The following CTTNBP2 variants were observed in gnomAD, a reference collection of about 807,000 sequenced individuals.
CTTNBP2 encodes cortactin binding protein 2.
In CTTNBP2, 108 loss-of-function variants were observed where a neutral mutation model predicts 156.9. That is an observed-to-expected ratio of 0.69 (90% CI 0.59 to 0.81). The LOEUF is 0.81. Among genes scored for constraint, CTTNBP2 ranks in the 30% least tolerant of loss-of-function variants. The probability of loss-of-function intolerance (pLI) is 0.00; values close to 1 mark genes in which losing one functional copy is unlikely to be tolerated. For missense variants in CTTNBP2, 1,924 were observed against 2,035.4 expected, an observed-to-expected ratio of 0.95 and a Z score of 1.05; for synonymous variants, 767 against 751.8, an observed-to-expected ratio of 1.02 and a Z score of -0.33.
intron 8 of CTTNBP2, among the ~76,000 whole-genome samples, chr7:117,767,609 G>A (rs1797554492): frequency 6.6e-6 from 1 of 152,184 alleles, no homozygotes; most frequent in Non-Finnish European, 1.5e-5. Context: ...GGTAATATAA[G>A]TGCAGGGCTC....
chr7:117,858,498 G>C (rs565817362), intron 2 of CTTNBP2, among the ~76,000 whole-genome samples: 3 of 152,354 alleles, frequency 2.0e-5, no homozygotes, highest in Non-Finnish European at 2.9e-5. Flanking sequence ...CAATAAGTCA[G>C]AAGTCTCCAG....
chr7:117,861,066 G>A, intron 2 of CTTNBP2, 143 bp downstream of exon 2: 1 of 620,458 alleles, frequency 1.6e-6, no homozygotes, highest in Non-Finnish European at 2.9e-6. Flanking sequence ...ATGGGTTAGT[G>A]TTTGGGGTGA....
chr7:117,865,433 G>A (rs7796203), intron 1 of CTTNBP2, among the ~76,000 whole-genome samples: 85,735 of 151,572 alleles, frequency 0.57, 24,796 homozygotes, highest in African/African-American at 0.63. Flanking sequence ...GGCCAAGGCC[G>A]GCAGATTGCC....
intron 2 of CTTNBP2, among the ~76,000 whole-genome samples, chr7:117,811,377 T>C (rs1483094832): frequency 2.6e-5 from 4 of 151,872 alleles, no homozygotes; most frequent in Non-Finnish European, 5.9e-5. Context: ...CACAGCTCAC[T>C]GCAGTCTCAA....
Position 117,728,099 on chromosome 7 carries a change from C to T in CTTNBP2, c.4045G>A (p.Val1349Met). Reference sequence around the variant, plus strand: ...AAAAATGGCACTTACTTCACTGTCACTTGGGCATGCCCAGGAACTACAGGA... The same window carrying T: ...AAAAATGGCACTTACTTCACTGTCATTTGGGCATGCCCAGGAACTACAGGA... ...SCPVVPGHAQ[V>M]TVKWMSKLWN... Residue 1349 changes from valine (V) to methionine (M), a missense_variant, in exon 17 of 23, where the codon GTG (valine) becomes ATG (methionine). Val to Met is a conservative substitution (Grantham distance 21). Transcript: ENST00000160373. The T allele has an allele frequency of 4.3e-6, 7 of 1,613,080 alleles. No individual in the cohort carries two copies. The highest frequency in any genetic ancestry group is 5.9e-6 in the Non-Finnish European group (7 of 1,179,648).
intron 3 of CTTNBP2, among the ~76,000 whole-genome samples, chr7:117,800,301 G>T (rs1360510923): frequency 6.6e-6 from 1 of 152,008 alleles, no homozygotes; most frequent in Non-Finnish European, 1.5e-5. Context: ...ACTAATCCAT[G>T]ATGAAAAAAT....
intron 2 of CTTNBP2, among the ~76,000 whole-genome samples, chr7:117,859,129 TG>T (rs1181782749): frequency 6.6e-6 from 1 of 152,206 alleles, no homozygotes; most frequent in African/African-American, 2.4e-5. Flanking sequence ...TACTTATACA[TG>T]CAATTCTCCA....
Position 117,791,601 on chromosome 7 carries a change from T to A in CTTNBP2, c.1595A>T (p.His532Leu). Residue 532 changes from histidine (H) to leucine (L), a missense_variant, in exon 4 of 23, where the codon CAT (histidine) becomes CTT (leucine). Transcript: ENST00000160373. ...TCCTCTGTCAACTCGTGCTACACCA[T>A]GAGTCTTTAAACTGGTCCGACCAAC... ...PPVGRTSLKT[H>L]GVARVDRGNP... 1 of 1,613,880 alleles carries A rather than the reference T, an allele frequency of 6.2e-7. No individual in the cohort carries two copies. Among genetic ancestry groups the A allele is most frequent in the South Asian group, 1.1e-5 (1 of 91,080 alleles).
chr7:117,830,397 T>C (rs2117072687), intron 2 of CTTNBP2, among the ~76,000 whole-genome samples: 1 of 152,284 alleles, frequency 6.6e-6, no homozygotes, highest in Non-Finnish European at 1.5e-5. Context: ...AAAAAATTCA[T>C]TAGCACCATG....
chr7:117,773,329 A>T (rs1797892632), intron 8 of CTTNBP2, among the ~76,000 whole-genome samples: 1 of 152,226 alleles, frequency 6.6e-6, no homozygotes, highest in Non-Finnish European at 1.5e-5. Context: ...TGGCTGCTAC[A>T]GTGTGAGTAG....
intron 14 of CTTNBP2, among the ~76,000 whole-genome samples, chr7:117,741,155 G>A (rs1584928506): frequency 6.6e-6 from 1 of 152,140 alleles, no homozygotes; most frequent in Non-Finnish European, 1.5e-5. Flanking sequence ...AAATATGAAA[G>A]GTTAATGATG....
intron 11 of CTTNBP2, among the ~76,000 whole-genome samples, chr7:117,756,841 A>ACCT (rs1796911241): frequency 6.6e-6 from 1 of 151,896 alleles, no homozygotes; most frequent in Non-Finnish European, 1.5e-5. Context: ...ACTGCTCCTG[A>ACCT]CCTCCCAAGA....
intron 2 of CTTNBP2, among the ~76,000 whole-genome samples, chr7:117,813,543 C>T (rs1273643383): frequency 1.3e-5 from 2 of 152,206 alleles, no homozygotes; most frequent in East Asian, 1.9e-4. Context: ...AATCTCATTC[C>T]TACCATTTCA....
At chr7:117,723,844 G>A (rs1360916259) in intron 19 of CTTNBP2, among the ~76,000 whole-genome samples, 4 of 147,018 alleles carry the variant, frequency 2.7e-5, no homozygotes, top group Admixed American at 2.1e-4. Flanking sequence ...CCTCTGTGTC[G>A]CAGGTTCAAG....
chr7:117,864,721 T>C (rs1563077735), intron 1 of CTTNBP2, among the ~76,000 whole-genome samples: 2 of 126,616 alleles, frequency 1.6e-5, no homozygotes, highest in African/African-American at 2.6e-5. Flanking sequence ...TATATTCATA[T>C]ATACATATAT....
At chr7:117,741,817 C>G (rs1199307454) in intron 14 of CTTNBP2, among the ~76,000 whole-genome samples, 1 of 152,234 alleles carries the variant, frequency 6.6e-6, no homozygotes, top group African/African-American at 2.4e-5. Flanking sequence ...CGACTCTAAG[C>G]AAGTTCTACT....
intron 2 of CTTNBP2, among the ~76,000 whole-genome samples, chr7:117,858,356 T>C (rs569640818): frequency 2.0e-5 from 3 of 152,010 alleles, no homozygotes; most frequent in South Asian, 2.1e-4. Context: ...GGCGACAGAG[T>C]GAGACTCCGT....
intron 2 of CTTNBP2, among the ~76,000 whole-genome samples, chr7:117,825,101 G>T (rs1410073407): frequency 6.6e-6 from 1 of 152,154 alleles, no homozygotes; most frequent in Non-Finnish European, 1.5e-5. Flanking sequence ...GAGTCGGTGG[G>T]TAGACTGGTA....
At chr7:117,857,768 T>C (rs1007237384) in intron 2 of CTTNBP2, among the ~76,000 whole-genome samples, 1 of 152,206 alleles carries the variant, frequency 6.6e-6, no homozygotes, top group African/African-American at 2.4e-5. Context: ...ATTTTGATTC[T>C]TGATTTAGGA....
Sources: allele counts gnomAD v4.1 joint callset (sites outside exome capture counted in the v4.1 genomes callset), GRCh38; gene constraint gnomAD v4.1.1; transcripts MANE v1.5; gene names NCBI Gene and HGNC (gene_info 2026-07-23, HGNC 2026-07-21).